The following EPHB1 variants were observed in gnomAD, a reference collection of about 807,000 sequenced individuals.
The protein encoded by EPHB1 is EPH receptor B1, also known as ephrin type-B receptor 1.
Under a neutral mutation model 94.4 loss-of-function variants are expected in EPHB1, and 30 were observed. The ratio of observed to expected loss-of-function variants is 0.32; its 90% CI spans 0.24 to 0.43. The LOEUF is 0.43. Among genes scored for constraint, EPHB1 ranks in the 20% least tolerant of loss-of-function variants. The pLI, the probability that EPHB1 is intolerant of heterozygous loss-of-function variation, is 1.00. For synonymous variants in EPHB1, 522 were observed against 489.1 expected (o/e 1.07, Z -0.89); for missense variants, 1,055 against 1,308.3 (o/e 0.81, Z 2.99).
intron 3 of EPHB1, among the ~76,000 whole-genome samples, chr3:135,050,534 G>A (rs1576346106): frequency 1.3e-5 from 2 of 152,264 alleles, no homozygotes. Context: ...CCTGGTTTCT[G>A]CTTTTTGCTG....
intron 12 of EPHB1, among the ~76,000 whole-genome samples, chr3:135,216,445 G>A (rs1401678098): frequency 1.3e-5 from 2 of 151,814 alleles, no homozygotes; most frequent in African/African-American, 2.4e-5. Context: ...GTCTTGAGCC[G>A]GGCACGGTGG....
At chr3:134,833,941 A>G (rs987256479) in intron 1 of EPHB1, among the ~76,000 whole-genome samples, 1 of 152,194 alleles carries the variant, frequency 6.6e-6, no homozygotes, top group African/African-American at 2.4e-5. Flanking sequence ...CCAGAGCGTG[A>G]TAAGAGGATG....
intron 5 of EPHB1, among the ~76,000 whole-genome samples, chr3:135,146,870 A>G (rs1054904584): frequency 9.2e-5 from 14 of 152,208 alleles, no homozygotes; most frequent in African/African-American, 3.4e-4. Context: ...ACCCAGAAGG[A>G]TAGTTTGGGG....
intron 3 of EPHB1, among the ~76,000 whole-genome samples, chr3:134,992,196 G>A (rs1328205227): frequency 6.6e-6 from 1 of 152,128 alleles, no homozygotes; most frequent in Non-Finnish European, 1.5e-5. Flanking sequence ...GTGATTTATG[G>A]TGCTGGGACA....
chr3:135,018,489 G>A lies in EPHB1; in HGVS notation c.805+66437G>A, dbSNP rs118170732. Reference sequence around the variant, plus strand: ...AGATGTCACCTTCCTCCCTTTCTCAGCCCACTGCAATCCCACCCCTTCTTA... The same window carrying A: ...AGATGTCACCTTCCTCCCTTTCTCAACCCACTGCAATCCCACCCCTTCTTA... On this transcript the variant is annotated intron_variant, in intron 3 of 15. Coordinates refer to ENST00000398015, the MANE Select transcript of EPHB1 (RefSeq NM_004441.5). 2.9e-3 allele frequency among the ~76,000 whole-genome samples: 446 copies of A among 152,082 alleles called. 12 individuals are homozygous for A. The East Asian group carries it at 0.06, about 20-fold the overall frequency.
intron 1 of EPHB1, among the ~76,000 whole-genome samples, chr3:134,797,983 C>T (rs1381505970): frequency 6.6e-6 from 1 of 152,212 alleles, no homozygotes; most frequent in Non-Finnish European, 1.5e-5. Flanking sequence ...GCCGCCTTCC[C>T]GCCTGCCTAG....
chr3:135,227,997 G>A (rs1943440935), intron 12 of EPHB1, among the ~76,000 whole-genome samples: 1 of 152,064 alleles, frequency 6.6e-6, no homozygotes, highest in Admixed American at 6.5e-5. Flanking sequence ...AGAATAGGGA[G>A]GGATATTCTC....
Position 134,913,337 on chromosome 3 carries a change from G to A in EPHB1, c.59-12479G>A, listed in dbSNP as rs2038495144. Among the ~76,000 whole-genome samples the A allele has an allele frequency of 2.6e-5, 4 of 152,264 alleles. No individual in the cohort carries two copies. In the South Asian group the frequency reaches 6.2e-4, roughly 24 times the overall value. On this transcript the variant is annotated intron_variant, in intron 1 of 15. Transcript: ENST00000398015. ...ACAGTCTCCTGAGAGCAGGCCCAGC[G>A]CTGAACTTTCATCTAACATCAGGCA...
chr3:134,844,915 T>C (rs779654415), intron 1 of EPHB1, among the ~76,000 whole-genome samples: 1 of 152,226 alleles, frequency 6.6e-6, no homozygotes, highest in Non-Finnish European at 1.5e-5. Context: ...TTCCTGGCTG[T>C]GGAGTCCCTG....
At chr3:134,905,192 G>C (rs1045767498) in intron 1 of EPHB1, among the ~76,000 whole-genome samples, 5 of 152,206 alleles carry the variant, frequency 3.3e-5, no homozygotes, top group African/African-American at 1.2e-4. Context: ...GTTGCAGGTA[G>C]AGAAGATTGG....
intron 15 of EPHB1, among the ~76,000 whole-genome samples, chr3:135,257,963 G>A (rs1933481959): frequency 1.3e-5 from 2 of 152,170 alleles, no homozygotes; most frequent in Admixed American, 1.3e-4. Flanking sequence ...TCGGGTGGGA[G>A]TGACCCGATT....
chr3:134,823,098 G>A (rs1422142214), intron 1 of EPHB1, among the ~76,000 whole-genome samples: 1 of 152,188 alleles, frequency 6.6e-6, no homozygotes, highest in Non-Finnish European at 1.5e-5. Flanking sequence ...CCCAGACCCT[G>A]GTTTAAAAGC....
intron 3 of EPHB1, among the ~76,000 whole-genome samples, chr3:135,040,669 C>A (rs1292877630): frequency 6.6e-6 from 1 of 152,218 alleles, no homozygotes; most frequent in Admixed American, 6.5e-5. Flanking sequence ...ATAAACATGG[C>A]TGTGAGGGGT....
chr3:135,036,925 T>A (rs1436839016), intron 3 of EPHB1, among the ~76,000 whole-genome samples: 1 of 151,990 alleles, frequency 6.6e-6, no homozygotes, highest in East Asian at 1.9e-4. Context: ...AGCTTTCTGC[T>A]CTCCTGATTG....
Position 134,817,878 on chromosome 3 carries a change from C to T in EPHB1, c.58+22189C>T, listed in dbSNP as rs2036299595. Among the ~76,000 whole-genome samples, 2 of 152,232 alleles carry T rather than the reference C, an allele frequency of 1.3e-5. 1 individual carries two copies. Among genetic ancestry groups the T allele is most frequent in the South Asian group, 4.1e-4 (2 of 4,830 alleles). On this transcript the variant is annotated intron_variant, in intron 1 of 15. Transcript: ENST00000398015. ...AGATCCAATATCCCAAGCCCCTGCC[C>T]AGAGGGGGAAAGCGCAATGACTGGC...
At chr3:134,909,391 G>A (rs560637221) in intron 1 of EPHB1, among the ~76,000 whole-genome samples, 6 of 152,218 alleles carry the variant, frequency 3.9e-5, no homozygotes, top group Admixed American at 3.3e-4. Context: ...CGGAGACTGC[G>A]TGACCACCTG....
chr3:134,869,419 A>G (rs2037449772), intron 1 of EPHB1, among the ~76,000 whole-genome samples: 1 of 152,164 alleles, frequency 6.6e-6, no homozygotes, highest in African/African-American at 2.4e-5. Flanking sequence ...TTCCGGGGGA[A>G]TTCAGTGGGA....
chr3:134,802,337 C>A (rs1288755372), intron 1 of EPHB1, among the ~76,000 whole-genome samples: 13 of 148,576 alleles, frequency 8.7e-5, no homozygotes, highest in Admixed American at 6.0e-4. Context: ...CAGAGCGAGA[C>A]TCTGTCTCAC....
At chr3:135,043,754 C>T (rs1201259823) in intron 3 of EPHB1, among the ~76,000 whole-genome samples, 1 of 152,228 alleles carries the variant, frequency 6.6e-6, no homozygotes, top group Non-Finnish European at 1.5e-5. Context: ...GCAGCTGCCT[C>T]TTCCACGGAT....
Sources: allele counts gnomAD v4.1 joint callset (sites outside exome capture counted in the v4.1 genomes callset), GRCh38; gene constraint gnomAD v4.1.1; transcripts MANE v1.5; gene names NCBI Gene and HGNC (gene_info 2026-07-23, HGNC 2026-07-21).